Variants in TACC1 observed in about 807,000 individuals in gnomAD.
TACC1 encodes the protein transforming acidic coiled-coil containing protein 1, also known as transforming acidic coiled-coil-containing protein 1.
A neutral mutation model predicts 84.4 loss-of-function variants in TACC1; 48 were observed. The ratio of observed to expected loss-of-function variants is 0.57; its 90% confidence interval spans 0.45 to 0.72. TACC1 has a LOEUF of 0.72. Among genes scored for constraint, TACC1 ranks in the 30% least tolerant of loss-of-function variants. The pLI is 0.00. For synonymous variants in TACC1, 372 were observed against 376.3 expected (o/e 0.99, Z 0.13); for missense variants, 920 against 973.0 (o/e 0.95, Z 0.72).
intron 1 of TACC1, among the ~76,000 whole-genome samples, chr8:38,741,925 A>C (rs1359293623): frequency 6.6e-6 from 1 of 152,246 alleles, no homozygotes; most frequent in Non-Finnish European, 1.5e-5. Flanking sequence ...CAGAAAGAGC[A>C]CACTGTCCCT....
intron 2 of TACC1, among the ~76,000 whole-genome samples, chr8:38,796,421 A>T (rs1392147677): frequency 3.9e-5 from 6 of 152,210 alleles, no homozygotes; most frequent in Non-Finnish European, 8.8e-5. Context: ...AGGGTGTGTG[A>T]TGGGGGAAAG....
chr8:38,783,965 T>C (rs1025089459), upstream of TACC1, among the ~76,000 whole-genome samples: 22 of 152,206 alleles, frequency 1.4e-4, no homozygotes, highest in African/African-American at 4.8e-4. Context: ...TCAGATGCTG[T>C]TATTGGCAAT....
intron 3 of TACC1, chr8:38,757,414 G>C: frequency 1.6e-6 from 2 of 1,226,306 alleles, no homozygotes; most frequent in Non-Finnish European, 2.1e-6. Flanking sequence ...GACCGCGTGA[G>C]TCCCAGAGCC....
Position 38,745,420 on chromosome 8 carries a change from A to G in TACC1, c.-48A>G. ...TATGGGACATATTTAAAAACCAGGA[A>G]AATGGAACGTAGTCTTAAGAGAAAA... On this transcript the variant is annotated 5_prime_UTR_variant, in exon 3 of 15. Transcript: ENST00000518415. 4.6e-6 allele frequency: 3 copies of G among 649,692 alleles called. No homozygotes were observed. The East Asian group carries it at 8.3e-5, about 18-fold the overall frequency. 40.2% of individuals were successfully genotyped at this position (649,692 alleles called of 1,614,324 possible).
At chr8:38,783,122 A>C (rs1209053386), upstream of TACC1, among the ~76,000 whole-genome samples, 37 of 147,412 alleles carry the variant, frequency 2.5e-4, no homozygotes, top group Admixed American at 7.4e-4. Flanking sequence ...ATATATATAT[A>C]TATATATATA....
chr8:38,819,540 A>G lies in TACC1; in HGVS notation c.296A>G (p.Glu99Gly). ...AKSQESQEAD[E>G]QLVAEVVEKC... ...ATTTTAGAATCACAAGAAGCTGATG[A>G]ACAGCTTGTAGCAGAAGTGGTTGAA... The change falls in exon 3 of 13, where the codon GAA becomes GGA. Residue 99 changes from glutamate to glycine, a missense_variant. By Grantham distance (98) the Glu-to-Gly change is moderately conservative. Coordinates refer to ENST00000317827, the MANE Select transcript of TACC1 (RefSeq NM_006283.3). The G allele has an allele frequency of 6.2e-7, 1 of 1,607,616 alleles. No homozygotes were observed. Among genetic ancestry groups the G allele is most frequent in the Non-Finnish European group, 8.5e-7 (1 of 1,175,400 alleles).
intron 10 of TACC1, 87 bp from the exon 11 acceptor site, chr8:38,843,202 C>T: frequency 2.3e-6 from 2 of 882,466 alleles, no homozygotes; most frequent in Non-Finnish European, 3.4e-6. Flanking sequence ...TAGATTTTTC[C>T]ATTCTTTAAA....
At chr8:38,795,457 A>G (rs1263950221) in intron 2 of TACC1, among the ~76,000 whole-genome samples, 2 of 152,208 alleles carry the variant, frequency 1.3e-5, no homozygotes, top group East Asian at 3.8e-4. Context: ...CTACCTGTGT[A>G]TGTGTTTTGG....
intron 2 of TACC1, among the ~76,000 whole-genome samples, chr8:38,743,732 G>C (rs531684473): frequency 6.6e-6 from 1 of 152,226 alleles, no homozygotes; most frequent in Non-Finnish European, 1.5e-5. Flanking sequence ...TCCCATAAAA[G>C]AAATCTGGGC....
chr8:38,830,604 T>C (rs947814738), intron 5 of TACC1, among the ~76,000 whole-genome samples: 4 of 151,404 alleles, frequency 2.6e-5, no homozygotes, highest in African/African-American at 9.7e-5. Context: ...TCTACCCTAG[T>C]AGAGTAGAGG....
chr8:38,734,040 G>A (rs973797011), intron 1 of TACC1, among the ~76,000 whole-genome samples: 4 of 152,134 alleles, frequency 2.6e-5, no homozygotes, highest in African/African-American at 9.7e-5. Flanking sequence ...TAAGTATGGG[G>A]AACTGGGGAA....
chr8:38,795,374 A>G (rs573124880), intron 2 of TACC1, among the ~76,000 whole-genome samples: 3 of 152,324 alleles, frequency 2.0e-5, no homozygotes, highest in South Asian at 2.1e-4. Context: ...GCACTCCCCC[A>G]TTTTGGGCTT....
At chr8:38,748,184 A>G (rs1808404996) in intron 3 of TACC1, among the ~76,000 whole-genome samples, 1 of 152,310 alleles carries the variant, frequency 6.6e-6, no homozygotes, top group South Asian at 2.1e-4. Context: ...TCAAATAAAA[A>G]TAGATTTCTA....
intron 3 of TACC1, among the ~76,000 whole-genome samples, chr8:38,822,802 T>C (rs1424108980): frequency 6.6e-6 from 1 of 152,214 alleles, no homozygotes; most frequent in Non-Finnish European, 1.5e-5. Flanking sequence ...CTAGGCCTAC[T>C]CAGGATCGTC....
At chr8:38,809,913 A>G (rs923264505) in intron 2 of TACC1, among the ~76,000 whole-genome samples, 5 of 152,200 alleles carry the variant, frequency 3.3e-5, no homozygotes, top group African/African-American at 1.2e-4. Flanking sequence ...CTGGGATCCT[A>G]TGAAGGAGAA....
At chr8:38,746,106 C>T (rs920081620) in intron 3 of TACC1, among the ~76,000 whole-genome samples, 2 of 152,208 alleles carry the variant, frequency 1.3e-5, no homozygotes, top group South Asian at 2.1e-4. Flanking sequence ...TGTAAGCTCT[C>T]CTGCCCAGCC....
At position 38,827,453 on chromosome 8, in the gene TACC1, T is replaced by C. The variant is rs759419251; in HGVS notation, c.1660+78T>C. 8 of 1,439,676 alleles carry C rather than the reference T, an allele frequency of 5.6e-6. No homozygotes were observed. The African/African-American group carries it at 1.1e-4, about 20-fold the overall frequency. The allele number at this position is 1,439,676 out of a possible 1,614,324, so 89.2% of individuals were successfully genotyped here. On this transcript the variant is annotated intron_variant, in intron 5 of 12. Transcript: ENST00000317827. The stretch of plus-strand genomic sequence containing the variant: ...AAAGCCTAATAAAGCAGGAGGAGCC[T>C]TACAGAGATTAAAGAATTGGGTCAC...
At chr8:38,755,277 A>G (rs1255006336) in intron 3 of TACC1, among the ~76,000 whole-genome samples, 1 of 152,196 alleles carries the variant, frequency 6.6e-6, no homozygotes. Context: ...CTACAGCTTC[A>G]AGAATGAAGT....
chr8:38,803,978 T>G (rs1385117963), intron 2 of TACC1, among the ~76,000 whole-genome samples: 1 of 152,218 alleles, frequency 6.6e-6, no homozygotes, highest in Non-Finnish European at 1.5e-5. Flanking sequence ...TTGAGTTGGT[T>G]TCAGTAGTTT....
Sources: allele counts gnomAD v4.1 joint callset (sites outside exome capture counted in the v4.1 genomes callset), GRCh38; gene constraint gnomAD v4.1.1; transcripts MANE v1.5; gene names NCBI Gene and HGNC (gene_info 2026-07-23, HGNC 2026-07-21).